Variants in SWAP70 observed in about 807,000 individuals in gnomAD.
SWAP70 encodes the protein switching B cell complex subunit SWAP70, also known as switch-associated protein 70.
In SWAP70, 34 loss-of-function variants were observed where a neutral mutation model predicts 80.2. The ratio of observed to expected loss-of-function variants is 0.42; its 90% CI spans 0.32 to 0.56. The LOEUF is 0.56. SWAP70 is among the 20% of genes least tolerant of loss of function. The probability of loss-of-function intolerance (pLI) is 0.09; values close to 1 mark genes in which losing one functional copy is unlikely to be tolerated. For missense variants in SWAP70, 578 were observed against 690.7 expected, an observed-to-expected ratio of 0.84 and a Z score of 1.83; for synonymous variants, 239 against 238.5, an observed-to-expected ratio of 1.00 and a Z score of -0.02.
At chr11:9,675,592 A>G (rs552064861) in intron 1 of SWAP70, among the ~76,000 whole-genome samples, 1 of 152,086 alleles carries the variant, frequency 6.6e-6, no homozygotes, top group Non-Finnish European at 1.5e-5. Context: ...ATTTATAGCC[A>G]TAAATAAGGT....
At chr11:9,736,241 A>G (rs899362466) in intron 7 of SWAP70, among the ~76,000 whole-genome samples, 1 of 151,842 alleles carries the variant, frequency 6.6e-6, no homozygotes, top group Non-Finnish European at 1.5e-5. Flanking sequence ...ATTTTATGGT[A>G]TATTGTCATT....
intron 2 of SWAP70, among the ~76,000 whole-genome samples, chr11:9,710,268 A>C: frequency 6.6e-6 from 1 of 152,170 alleles, no homozygotes; most frequent in African/African-American, 2.4e-5. Context: ...TAACATATAA[A>C]ATGCCTAGCA....
chr11:9,738,624 T>G (rs1211039957), intron 8 of SWAP70, among the ~76,000 whole-genome samples: 1 of 149,898 alleles, frequency 6.7e-6, no homozygotes, highest in African/African-American at 2.5e-5. Context: ...CCCAGCACTT[T>G]GGGAGGCCAA....
chr11:9,718,726 A>G (rs1479383737), intron 3 of SWAP70, among the ~76,000 whole-genome samples: 2 of 152,188 alleles, frequency 1.3e-5, no homozygotes, highest in African/African-American at 2.4e-5. Flanking sequence ...CTTCTTTCCA[A>G]TAATCCACTT....
intron 3 of SWAP70, among the ~76,000 whole-genome samples, chr11:9,715,933 T>C (rs1851060464): frequency 6.6e-6 from 1 of 152,242 alleles, no homozygotes; most frequent in South Asian, 2.1e-4. Flanking sequence ...ATGTATCTAA[T>C]TGGCATGGCC....
intron 3 of SWAP70, among the ~76,000 whole-genome samples, chr11:9,715,957 G>C (rs1276490121): frequency 1.3e-5 from 2 of 152,230 alleles, no homozygotes. Context: ...GTCAGGCACT[G>C]TGCACTAGCT....
chr11:9,702,293 G>A (rs1030594514), intron 2 of SWAP70, among the ~76,000 whole-genome samples: 11 of 152,088 alleles, frequency 7.2e-5, no homozygotes, highest in Non-Finnish European at 1.2e-4. Flanking sequence ...GTAGGAAGTG[G>A]TACTGTTCTT....
At chr11:9,740,421 A>G (rs752673447) in intron 9 of SWAP70, 74 bp downstream of exon 9, 2 of 1,444,270 alleles carry the variant, frequency 1.4e-6, no homozygotes, top group Admixed American at 3.3e-5. Flanking sequence ...AATGACTAAC[A>G]CTCTGGTGGA....
At chr11:9,674,041 A>G (rs61878086) in intron 1 of SWAP70, among the ~76,000 whole-genome samples, 81,256 of 151,954 alleles carry the variant, frequency 0.53, 23,975 homozygotes, top group South Asian at 0.7. Context: ...CTGGGGTTAC[A>G]GGTGTATGCC....
At position 9,738,270 on chromosome 11, in the gene SWAP70, C is replaced by A; in HGVS notation, c.1138C>A (p.Gln380Lys). 1 of 1,611,526 alleles carries A rather than the reference C, an allele frequency of 6.2e-7. No individual in the cohort carries two copies. The highest frequency in any genetic ancestry group is 1.1e-5 in the South Asian group (1 of 90,628). Residue 380 changes from glutamine to lysine, a missense_variant, in exon 8 of 12, where the codon CAA becomes AAA. Transcript: ENST00000318950. ...AEEEKKRLQT[Q>K]VELQARFSTE... ...AGAGGAAAAGAAACGCCTTCAGACT[C>A]AAGTGGAACTTCAGGCCAGGTTCAG...
At chr11:9,749,261 G>A in intron 11 of SWAP70, 78 bp downstream of exon 11, 1 of 795,208 alleles carries the variant, frequency 1.3e-6, no homozygotes, top group Non-Finnish European at 1.6e-6. Context: ...TATTTATTTT[G>A]AGATGGAGTC....
At position 9,747,850 on chromosome 11, in the gene SWAP70, C is replaced by G; in HGVS notation, c.1356-8C>G. ...GGATTTGATCTGGAGCTTTCCTCCA[C>G]ATTGTAGGTTGTTGGAGGAAGAGTC... is the stretch of plus-strand genomic sequence containing the variant. On this transcript the variant is annotated splice_polypyrimidine_tract_variant and splice_region_variant and intron_variant, in intron 9 of 11. Coordinates refer to ENST00000318950, the MANE Select transcript of SWAP70 (RefSeq NM_015055.4). 1 of 1,613,694 alleles carries G rather than the reference C, an allele frequency of 6.2e-7. No individual in the cohort carries two copies. The highest frequency in any genetic ancestry group is 2.2e-5 in the East Asian group (1 of 44,880).
intron 7 of SWAP70, 89 bp downstream of exon 7, chr11:9,732,799 T>A: frequency 7.9e-7 from 1 of 1,262,112 alleles, no homozygotes; most frequent in Non-Finnish European, 1.1e-6. Flanking sequence ...TCTACCAAGA[T>A]GAATGTAGTG....
chr11:9,671,070 T>TATACAA (rs1386158215), intron 1 of SWAP70, among the ~76,000 whole-genome samples: 1 of 142,652 alleles, frequency 7.0e-6, no homozygotes, highest in African/African-American at 2.6e-5. Context: ...GTTTTTTATA[T>TATACAA]ATACAAATAT....
At chr11:9,720,576 TGCAC>T in intron 3 of SWAP70, 5 of 696,894 alleles carry the variant, frequency 7.2e-6, no homozygotes, top group Non-Finnish European at 8.8e-6. Flanking sequence ...GTAGTCATAC[TGCAC>T]ACACATGTGG....
At chr11:9,716,464 C>T (rs528467695) in intron 3 of SWAP70, among the ~76,000 whole-genome samples, 1 of 152,294 alleles carries the variant, frequency 6.6e-6, no homozygotes, top group East Asian at 1.9e-4. Flanking sequence ...TTGAAACCCA[C>T]CTCTACCACT....
chr11:9,670,018 C>G (rs1221855477), intron 1 of SWAP70, among the ~76,000 whole-genome samples: 1 of 152,108 alleles, frequency 6.6e-6, no homozygotes, highest in Non-Finnish European at 1.5e-5. Context: ...GTCCCAGCTA[C>G]TTGGGAGCTG....
intron 9 of SWAP70, among the ~76,000 whole-genome samples, chr11:9,746,961 G>C (rs1851520044): frequency 6.6e-6 from 1 of 152,218 alleles, no homozygotes; most frequent in African/African-American, 2.4e-5. Context: ...GATGCTGGCA[G>C]GTAGTAGTAA....
intron 1 of SWAP70, among the ~76,000 whole-genome samples, chr11:9,691,507 G>A (rs1850697445): frequency 6.6e-6 from 1 of 152,200 alleles, no homozygotes; most frequent in African/African-American, 2.4e-5. Context: ...TAACAAGAGT[G>A]CTGTTTAATT....
Sources: gnomAD v4.1 joint callset for allele counts (sites outside exome capture counted in the v4.1 genomes callset) on GRCh38, gnomAD v4.1.1 for gene constraint, MANE v1.5 for transcripts, NCBI Gene and HGNC (gene_info 2026-07-23, HGNC 2026-07-21) for gene names.